Variants in CFB observed in about 807,000 individuals in gnomAD.
The protein encoded by CFB is B-factor, properdin.
A neutral mutation model predicts 97.2 loss-of-function variants in CFB; 59 were observed. The observed-to-expected ratio is 0.61, with a 90% confidence interval of 0.49 to 0.75. The LOEUF (loss-of-function observed/expected upper bound fraction) is 0.75, where lower values mean the gene tolerates loss of function less well. Ranked by LOEUF, CFB falls within the 30% of genes least tolerant of loss-of-function variation. CFB has a pLI of 0.00. For missense variants in CFB, 771 were observed against 959.8 expected (o/e 0.80, Z 2.60); for synonymous variants, 316 against 351.7 (o/e 0.90, Z 1.14).
rs1455244882 is a variant in CFB at position 31,948,754 on chromosome 6, A to G, written c.1037-76A>G. ...AAAAAGTTGAAAGATGTGGGATTTC[A>G]GTTGCAGATTGGTCTCTGGGGTTAA... is the stretch of plus-strand genomic sequence containing the variant. On this transcript the variant is annotated intron_variant, in intron 7 of 17. Coordinates refer to ENST00000425368, the MANE Select transcript of CFB (RefSeq NM_001710.6). 30 of 1,607,776 alleles carry G rather than the reference A, an allele frequency of 1.9e-5. No homozygotes were observed. The Admixed American group carries it at 5.0e-4, about 27-fold the overall frequency.
rs368887089 is a variant in CFB, at chr6:31,948,818, C to T, written c.1037-12C>T. The T allele has an allele frequency of 1.2e-6, 2 of 1,613,054 alleles. No homozygotes were observed. The highest frequency in any genetic ancestry group is 1.1e-5 in the South Asian group (1 of 91,080). On this transcript the variant is annotated splice_polypyrimidine_tract_variant and intron_variant, in intron 7 of 17. Transcript: ENST00000425368. ...AGACCAGGTGAGGTGATGGTCTCTT[C>T]CCTCTCCACAGACCACAAGTTGAAG...
chr6:31,948,129 C>G, intron 6 of CFB, 48 bp downstream of exon 6: 1 of 1,606,320 alleles, frequency 6.2e-7, no homozygotes, highest in Non-Finnish European at 8.5e-7. Context: ...TCTCGCTGAT[C>G]TTCCAGGACT....
At position 31,946,120 on chromosome 6, in the gene CFB, G is replaced by A; in HGVS notation, c.-102G>A. On this transcript the variant is annotated 5_prime_UTR_variant, in exon 1 of 18. Transcript: ENST00000425368. The surrounding 1 kb of genome is among the most constrained non-coding windows in gnomAD (Gnocchi z 6.4). The stretch of plus-strand genomic sequence containing the variant: ...GGGAAGGGAATGTGACCAGGTCTAG[G>A]TCTGGAGTTTCAGCTTGGACACTGA... 5 of 1,179,056 alleles carry A rather than the reference G, an allele frequency of 4.2e-6. No homozygotes were observed. The highest frequency in any genetic ancestry group is 6.4e-6 in the Non-Finnish European group (5 of 786,632). 73.0% of individuals were successfully genotyped at this position (1,179,056 alleles called of 1,614,324 possible). A position where few individuals can be genotyped will look rare whatever the true frequency, so the allele number is the denominator to read the frequency against.
chr6:31,949,372 C>T (rs768342425), intron 9 of CFB, 28 bp downstream of exon 9: 2 of 1,614,040 alleles, frequency 1.2e-6, no homozygotes, highest in African/African-American at 2.7e-5. Flanking sequence ...GACCCAGCAC[C>T]CCACTTCCTC....
chr6:31,950,324 G>C lies in CFB; in HGVS notation c.1545G>C (p.Val515=). Residue 515 remains valine, a synonymous_variant, in exon 12 of 18, where the codon GTG becomes GTC. Coordinates refer to ENST00000425368, the MANE Select transcript of CFB (RefSeq NM_001710.6). ...GACACGAGAGCTGTATGGGGGCTGT[G>C]GTGTCTGAGTACTTTGTGCTGACAG... ...SKGHESCMGA[V]VSEYFVLTAA... is the part of the protein sequence containing the mutation. 1 of 1,613,064 alleles carries C rather than the reference G, an allele frequency of 6.2e-7. No individual in the cohort carries two copies. The highest frequency in any genetic ancestry group is 8.5e-7 in the Non-Finnish European group (1 of 1,180,030).
Position 31,950,339 on chromosome 6 carries a change from T to C in CFB, c.1560T>C (p.Phe520=), listed in dbSNP as rs1771677728. 2 of 1,613,142 alleles carry C rather than the reference T, an allele frequency of 1.2e-6. No individual in the cohort carries two copies. Among genetic ancestry groups the C allele is most frequent in the East Asian group, 4.5e-5 (2 of 44,886 alleles). ...TGGGGGCTGTGGTGTCTGAGTACTT[T>C]GTGCTGACAGCAGCACATTGTTTCA... ...SCMGAVVSEY[F]VLTAAHCFTV... The change falls in exon 12 of 18, where the codon TTT becomes TTC. Residue 520 remains phenylalanine, a synonymous_variant. Coordinates refer to ENST00000425368, the MANE Select transcript of CFB (RefSeq NM_001710.6).
chr6:31,947,629 C>A lies in CFB; in HGVS notation c.658+108C>A. ...CTCACTTTGTTTAAACCTCCCTGTA[C>A]AACTATCTCACTTCTGAGCCTTTTA... is the stretch of plus-strand genomic sequence containing the variant. On this transcript the variant is annotated intron_variant, in intron 4 of 17. Transcript: ENST00000425368. This position sits in a 1 kb window ranked among gnomAD's most constrained non-coding sequence, Gnocchi z 5.3. 18 of 1,575,612 alleles carry A rather than the reference C, an allele frequency of 1.1e-5. No individual in the cohort carries two copies. Among genetic ancestry groups the A allele is most frequent in the Non-Finnish European group, 1.6e-5 (18 of 1,146,536 alleles).
In CFB at chr6:31,946,302, T is replaced by C; in HGVS notation, c.64+17T>C. On this transcript the variant is annotated intron_variant, in intron 1 of 17. Transcript: ENST00000425368. This position sits in a 1 kb window ranked among gnomAD's most constrained non-coding sequence, Gnocchi z 6.4. ...TGTCTGGAGGTAAGCGAGGGTAACC[T>C]TCCCTTCCTGCTGTCTCCAGCATCC... 8 of 1,613,042 alleles carry C rather than the reference T, an allele frequency of 5.0e-6. No homozygotes were observed. Among genetic ancestry groups the C allele is most frequent in the Non-Finnish European group, 5.9e-6 (7 of 1,180,002 alleles).
Position 31,947,717 on chromosome 6 carries a change from T to G in CFB, c.659-25T>G, listed in dbSNP as rs1392495073. On this transcript the variant is annotated intron_variant, in intron 4 of 17. Transcript: ENST00000425368. This position sits in a 1 kb window ranked among gnomAD's most constrained non-coding sequence, Gnocchi z 5.3. ...CTGTATCCCTGACACTCCCAGACAT[T>G]TGACCTCATTTCTGACTCTCCCAGA... The G allele has an allele frequency of 6.2e-7, 1 of 1,610,816 alleles. No homozygotes were observed. Among genetic ancestry groups the G allele is most frequent in the Admixed American group, 1.7e-5 (1 of 60,010 alleles).
At position 31,947,153 on chromosome 6, in the gene CFB, G is replaced by A; in HGVS notation, c.445G>A (p.Gly149Ser). The A allele has an allele frequency of 6.2e-7, 1 of 1,613,000 alleles. No homozygotes were observed. Among genetic ancestry groups the A allele is most frequent in the Non-Finnish European group, 8.5e-7 (1 of 1,180,024 alleles). Residue 149 changes from glycine to serine, a missense_variant, in exon 3 of 18, where the codon GGC (glycine) becomes AGC (serine). By Grantham distance (56) the Gly-to-Ser change is moderately conservative. Transcript: ENST00000425368. This position sits in a 1 kb window ranked among gnomAD's most constrained non-coding sequence, Gnocchi z 5.3. ...TGCCAATCGCACCTGCCAAGTGAAT[G>A]GCCGATGGAGTGGGCAGACAGCGAT... ...GSANRTCQVN[G>S]RWSGQTAICD...
Position 31,946,753 on chromosome 6 carries a change from C to A in CFB, c.298+147C>A. 1.2e-6 allele frequency: 1 copy of A among 852,398 alleles called. No individual in the cohort carries two copies. Among genetic ancestry groups the A allele is most frequent in the Non-Finnish European group, 1.9e-6 (1 of 524,266 alleles). The allele number at this position is 852,398 out of a possible 1,614,324, so 52.8% of individuals were successfully genotyped here. ...TTTAGGGTGGCAGGCGGAAAGGGGG[C>A]AAGAAAAAGCGGAGTTAACCCTTAC... On this transcript the variant is annotated intron_variant, in intron 2 of 17. Transcript: ENST00000425368. This position sits in a 1 kb window ranked among gnomAD's most constrained non-coding sequence, Gnocchi z 6.4.
rs1300450452 is a variant in CFB, at chr6:31,949,347, G to T, written c.1270+3G>T. 5.6e-6 allele frequency: 9 copies of T among 1,614,180 alleles called. No homozygotes were observed. Among genetic ancestry groups the T allele is most frequent in the Non-Finnish European group, 5.9e-6 (7 of 1,180,022 alleles). ...AAACCCAAGGGAGGATTATCTGGGT[G>T]AGTAACCTGCCTAGGACCCAGCACC... On this transcript the variant is annotated splice_donor_region_variant and intron_variant, in intron 9 of 17. Transcript: ENST00000425368.
Position 31,947,985 on chromosome 6 carries a change from C to T in CFB, c.801C>T (p.Gly267=), listed in dbSNP as rs774851498. Residue 267 remains glycine, a synonymous_variant, in exon 6 of 18, where the codon GGC becomes GGT. Coordinates refer to ENST00000425368, the MANE Select transcript of CFB (RefSeq NM_001710.6). The surrounding 1 kb of genome is among the most constrained non-coding windows in gnomAD (Gnocchi z 5.3). ...GGAAGATCGTCCTGGACCCTTCAGGCTCCATGAACATCTACCTGGTGCTAG... is the reference window on the plus strand; with the variant it reads ...GGAAGATCGTCCTGGACCCTTCAGGTTCCATGAACATCTACCTGGTGCTAG... ...QKRKIVLDPS[G]SMNIYLVLDG... 4 of 1,614,220 alleles carry T rather than the reference C, an allele frequency of 2.5e-6. No homozygotes were observed. The highest frequency in any genetic ancestry group is 3.4e-6 in the Non-Finnish European group (4 of 1,180,036).
chr6:31,947,205 C>A lies in CFB; in HGVS notation c.484+13C>A. The stretch of plus-strand genomic sequence containing the variant: ...TGTGACAACGGAGGTGAGAAGCATC[C>A]CCTCCCCCTACATTGCTGTCTCCCT... On this transcript the variant is annotated intron_variant, in intron 3 of 17. Coordinates refer to ENST00000425368, the MANE Select transcript of CFB (RefSeq NM_001710.6). The surrounding 1 kb of genome is among the most constrained non-coding windows in gnomAD (Gnocchi z 5.3). The A allele has an allele frequency of 6.2e-7, 1 of 1,612,532 alleles. No homozygotes were observed.
chr6:31,949,031 C>T (rs1771601479), intron 8 of CFB, 70 bp downstream of exon 8: 3 of 1,604,606 alleles, frequency 1.9e-6, no homozygotes, highest in East Asian at 2.2e-5. Context: ...CTTAAGTCCA[C>T]TTGTAACACT....
Position 31,950,034 on chromosome 6 carries a change from T to C in CFB, c.1409-16T>C. ...GAAGTGTTCCGAGTTTTCAGCACAT[T>C]CTCCTTCTCTGCCAGATGAAAGCCA... is the stretch of plus-strand genomic sequence containing the variant. On this transcript the variant is annotated splice_polypyrimidine_tract_variant and intron_variant, in intron 10 of 17. Coordinates refer to ENST00000425368, the MANE Select transcript of CFB (RefSeq NM_001710.6). 6.2e-7 allele frequency: 1 copy of C among 1,612,572 alleles called. No individual in the cohort carries two copies. Among genetic ancestry groups the C allele is most frequent in the Non-Finnish European group, 8.5e-7 (1 of 1,179,628 alleles).
Position 31,947,937 on chromosome 6 carries a change from G to A in CFB, c.761-8G>A. 6.2e-7 allele frequency: 1 copy of A among 1,614,198 alleles called. No individual in the cohort carries two copies. On this transcript the variant is annotated splice_region_variant and splice_polypyrimidine_tract_variant and intron_variant, in intron 5 of 17. Coordinates refer to ENST00000425368, the MANE Select transcript of CFB (RefSeq NM_001710.6). This position sits in a 1 kb window ranked among gnomAD's most constrained non-coding sequence, Gnocchi z 5.3. ...TGCTGGAGCCTGAGCCACTCTCCTG[G>A]CACCCAGGGGAACAACAGAAGCGGA...
rs1771788439 is a variant in CFB at position 31,951,818 on chromosome 6, T to G, written c.2140-57T>G. 6.2e-7 allele frequency: 1 copy of G among 1,612,312 alleles called. No individual in the cohort carries two copies. Among genetic ancestry groups the G allele is most frequent in the Admixed American group, 1.7e-5 (1 of 59,998 alleles). The stretch of plus-strand genomic sequence containing the variant: ...GCTAAGACACAAGCAGGAACAGCCA[T>G]GCTTCCAGGATTAGGAATTCTACTG... On this transcript the variant is annotated intron_variant, in intron 17 of 17. Transcript: ENST00000425368. The surrounding 1 kb of genome is among the most constrained non-coding windows in gnomAD (Gnocchi z 4.3).
intron 7 of CFB, 78 bp downstream of exon 7, chr6:31,948,590 G>C (rs1771577006): frequency 6.3e-7 from 1 of 1,598,462 alleles, no homozygotes; most frequent in Non-Finnish European, 8.5e-7. Flanking sequence ...AGACTACCTT[G>C]AGGGCGACAG....
Sources: gnomAD v4.1 joint callset for allele counts on GRCh38, gnomAD v4.1.1 for gene constraint, Gnocchi (gnomAD v3.1) non-coding constraint, MANE v1.5 for transcripts, NCBI Gene and HGNC (gene_info 2026-07-23, HGNC 2026-07-21) for gene names.